LPP: variants seen among roughly 807,000 people sequenced by gnomAD.
LPP encodes the protein lipoma-preferred partner.
A neutral mutation model predicts 60.4 loss-of-function variants in LPP; 38 were observed. The ratio of observed to expected loss-of-function variants is 0.63; its 90% CI spans 0.49 to 0.83. LPP has a LOEUF of 0.83. Among genes scored for constraint, LPP ranks in the 40% least tolerant of loss-of-function variants. The probability of loss-of-function intolerance (pLI) is 0.00; values close to 1 mark genes in which losing one functional copy is unlikely to be tolerated. For synonymous variants in LPP, 328 were observed against 290.8 expected (o/e 1.13, Z -1.30); for missense variants, 902 against 783.6 (o/e 1.15, Z -1.80).
In LPP at chr3:188,248,284, A is replaced by G. The variant is rs1203702173; in HGVS notation, c.-67+22757A>G. Among the ~76,000 whole-genome samples, 8 of 151,882 alleles carry G rather than the reference A, an allele frequency of 5.3e-5. No individual in the cohort carries two copies. In the East Asian group the frequency reaches 1.4e-3, roughly 26 times the overall value. ...AGGGTTAGCGTTTTTTTGCATTGGG[A>G]CCTGCCTTCTTTTTATGCTTCTAGG... On this transcript the variant is annotated intron_variant, in intron 2 of 11. Coordinates refer to ENST00000617246, the MANE Select transcript of LPP (RefSeq NM_001375462.1).
chr3:188,320,882 T>C (rs933158240), intron 2 of LPP, among the ~76,000 whole-genome samples: 3 of 152,076 alleles, frequency 2.0e-5, no homozygotes, highest in African/African-American at 7.2e-5. Flanking sequence ...CCACAAAAAG[T>C]TTGAGGGTAA....
intron 3 of LPP, among the ~76,000 whole-genome samples, chr3:188,348,153 C>CT (rs879664979): frequency 2.5e-4 from 37 of 147,806 alleles, no homozygotes; most frequent in Admixed American, 1.0e-3. Context: ...TTCTTTCTTT[C>CT]TTTTTTTTTT....
At chr3:188,173,957 G>A (rs977451690) in intron 1 of LPP, among the ~76,000 whole-genome samples, 4 of 152,144 alleles carry the variant, frequency 2.6e-5, no homozygotes, top group Admixed American at 2.0e-4. Context: ...CTGTAAAGTG[G>A]GTTCACTGAT....
At chr3:188,344,857 C>T (rs1429785596) in intron 3 of LPP, among the ~76,000 whole-genome samples, 1 of 152,208 alleles carries the variant, frequency 6.6e-6, no homozygotes, top group Non-Finnish European at 1.5e-5. Flanking sequence ...TACTCTGTGA[C>T]ATTGTTCCCT....
intron 1 of LPP, chr3:188,178,908 A>G (rs140889164): frequency 4.1e-6 from 1 of 245,294 alleles, no homozygotes; most frequent in African/African-American, 2.3e-5. Flanking sequence ...GTCCATCATC[A>G]TTGCAGATTG....
chr3:188,717,049 T>C (rs920106396), intron 8 of LPP, among the ~76,000 whole-genome samples: 1 of 152,212 alleles, frequency 6.6e-6, no homozygotes, highest in African/African-American at 2.4e-5. Flanking sequence ...TTTATTTCCA[T>C]TTGGGATATG....
At chr3:188,416,137 G>T (rs1029225277) in intron 4 of LPP, among the ~76,000 whole-genome samples, 2 of 151,966 alleles carry the variant, frequency 1.3e-5, no homozygotes, top group African/African-American at 4.8e-5. Flanking sequence ...ATAAAGGAAT[G>T]CATATAGATA....
intron 8 of LPP, among the ~76,000 whole-genome samples, chr3:188,718,825 T>G (rs975399975): frequency 1.3e-5 from 2 of 152,218 alleles, no homozygotes; most frequent in Non-Finnish European, 2.9e-5. Flanking sequence ...ATATATTTAT[T>G]TAGCACCTTA....
At chr3:188,387,245 A>T (rs1049141720) in intron 3 of LPP, among the ~76,000 whole-genome samples, 1 of 152,090 alleles carries the variant, frequency 6.6e-6, no homozygotes, top group Non-Finnish European at 1.5e-5. Flanking sequence ...AGTCACCCAT[A>T]AATCTATTAC....
intron 7 of LPP, among the ~76,000 whole-genome samples, chr3:188,680,617 G>A (rs1859272971): frequency 6.6e-6 from 1 of 152,102 alleles, no homozygotes; most frequent in South Asian, 2.1e-4. Flanking sequence ...AGCAAAAAGA[G>A]AAAATAATAA....
chr3:188,874,543 G>T lies in LPP; in HGVS notation c.*64G>T. On this transcript the variant is annotated 3_prime_UTR_variant, in exon 12 of 12. Transcript: ENST00000617246. ...CACAAGAAAAAGATAAGAAATACTA[G>T]AGTAAAGGCCATCAAACTACGCGAT... The T allele has an allele frequency of 6.4e-7, 1 of 1,564,372 alleles. No individual in the cohort carries two copies.
At chr3:188,658,972 T>C (rs1214440938) in intron 7 of LPP, among the ~76,000 whole-genome samples, 1 of 151,970 alleles carries the variant, frequency 6.6e-6, no homozygotes, top group Admixed American at 6.6e-5. Flanking sequence ...AATGATGGAG[T>C]GATTTGAAGA....
At chr3:188,605,057 G>A (rs904925933) in intron 6 of LPP, among the ~76,000 whole-genome samples, 1 of 152,154 alleles carries the variant, frequency 6.6e-6, no homozygotes, top group African/African-American at 2.4e-5. Flanking sequence ...AAGAGAGGTA[G>A]AAGAGGTGGA....
At chr3:188,185,942 C>T (rs1054037327) in intron 1 of LPP, among the ~76,000 whole-genome samples, 7 of 152,170 alleles carry the variant, frequency 4.6e-5, no homozygotes, top group African/African-American at 9.7e-5. Flanking sequence ...GAAAAAGAAG[C>T]GATCAGGCTG....
At chr3:188,715,687 A>G (rs577646485) in intron 8 of LPP, among the ~76,000 whole-genome samples, 1 of 152,328 alleles carries the variant, frequency 6.6e-6, no homozygotes, top group Non-Finnish European at 1.5e-5. Context: ...GTTGGTTGAT[A>G]CAGCCACAGC....
chr3:188,259,161 T>C (rs1424359393), intron 2 of LPP, among the ~76,000 whole-genome samples: 1 of 152,196 alleles, frequency 6.6e-6, no homozygotes, highest in Non-Finnish European at 1.5e-5. Context: ...ATATTTGTAG[T>C]CTCTTTGATT....
intron 6 of LPP, among the ~76,000 whole-genome samples, chr3:188,592,874 A>C (rs1485593741): frequency 6.6e-6 from 1 of 152,078 alleles, no homozygotes; most frequent in Non-Finnish European, 1.5e-5. Flanking sequence ...GTCTTACACG[A>C]GGGCTTGCCT....
At position 188,422,264 on chromosome 3, in the gene LPP, C is replaced by T. The variant is rs576908687; in HGVS notation, c.193+15951C>T. ...GTAATCATCAGTAATCGCTAAGTAA[C>T]AGAAAATCAAGGTTCGACAGCACGG... On this transcript the variant is annotated intron_variant, in intron 4 of 11. Transcript: ENST00000617246. Among the ~76,000 whole-genome samples the T allele has an allele frequency of 3.3e-5, 5 of 152,206 alleles. No homozygotes were observed. In the South Asian group the frequency reaches 1.0e-3, roughly 32 times the overall value.
At chr3:188,690,385 G>A (rs1394789168) in intron 7 of LPP, among the ~76,000 whole-genome samples, 5 of 152,166 alleles carry the variant, frequency 3.3e-5, no homozygotes, top group Non-Finnish European at 5.9e-5. Context: ...AATGCTAGCA[G>A]AAAGTATTTG....
Sources: allele counts gnomAD v4.1 joint callset (sites outside exome capture counted in the v4.1 genomes callset), GRCh38; gene constraint gnomAD v4.1.1; transcripts MANE v1.5; gene names NCBI Gene and HGNC (gene_info 2026-07-23, HGNC 2026-07-21).